KDSR: variants seen among roughly 807,000 people sequenced by gnomAD.
KDSR encodes 3-ketodihydrosphingosine reductase, also known as 3-dehydrosphinganine reductase.
In KDSR, 23 loss-of-function variants were observed where a neutral mutation model predicts 41.3. That is an observed-to-expected ratio of 0.56 (90% CI 0.40 to 0.79). The LOEUF is 0.79. Ranked by LOEUF, KDSR falls within the 30% of genes least tolerant of loss-of-function variation. KDSR has a pLI of 0.00. For missense variants in KDSR, 351 were observed against 416.8 expected, an observed-to-expected ratio of 0.84 and a Z score of 1.37; for synonymous variants, 138 against 151.7, an observed-to-expected ratio of 0.91 and a Z score of 0.66.
Position 63,329,072 on chromosome 18 carries a change from C to A in KDSR, c.*2710G>T, listed in dbSNP as rs1328467680. ...CACACTCAGGGTTGGTTCTTTTTTT[C>A]TTCCCCCAGCAGAAAAACAAGTTGT... On this transcript the variant is annotated 3_prime_UTR_variant, in exon 10 of 10. Transcript: ENST00000645214. The A allele has an allele frequency of 1.0e-5, 2 of 197,642 alleles. No homozygotes were observed. The highest frequency in any genetic ancestry group is 1.2e-4 in the Admixed American group (2 of 16,536). 12.2% of individuals were successfully genotyped at this position (197,642 alleles called of 1,614,324 possible).
At chr18:63,345,130 A>AC in intron 6 of KDSR, 1 of 152,504 alleles carries the variant, frequency 6.6e-6, no homozygotes, top group African/African-American at 2.4e-5. Context: ...AACCAACAAG[A>AC]ACCACTGGGT....
intron 6 of KDSR, chr18:63,346,249 T>C (rs1465240663): frequency 6.6e-6 from 1 of 152,190 alleles, no homozygotes; most frequent in Non-Finnish European, 1.5e-5. Context: ...GCCATGCTCA[T>C]AAATAGCTCT....
At chr18:63,348,786 T>C (rs1428734967) in intron 6 of KDSR, among the ~76,000 whole-genome samples, 1 of 152,196 alleles carries the variant, frequency 6.6e-6, no homozygotes, top group African/African-American at 2.4e-5. Context: ...AATTAGTGAA[T>C]GCTGACACAG....
intron 7 of KDSR, among the ~76,000 whole-genome samples, chr18:63,340,613 A>C (rs1373121341): frequency 6.6e-6 from 1 of 152,242 alleles, no homozygotes; most frequent in Non-Finnish European, 1.5e-5. Context: ...ATTCCATTGA[A>C]AAAGTGTGAA....
chr18:63,364,121 TC>T (rs1915068126), intron 1 of KDSR, among the ~76,000 whole-genome samples: 1 of 152,100 alleles, frequency 6.6e-6, no homozygotes. Flanking sequence ...AATGCTCTTC[TC>T]CCCACTTCAT....
intron 5 of KDSR, among the ~76,000 whole-genome samples, chr18:63,353,990 T>G (rs541993168): frequency 4.6e-5 from 7 of 152,090 alleles, no homozygotes; most frequent in African/African-American, 1.4e-4. Context: ...TCACTTCAAA[T>G]TAAAAAAATA....
At chr18:63,361,002 A>T (rs1914950262) in intron 2 of KDSR, among the ~76,000 whole-genome samples, 11 of 20,508 alleles carry the variant, frequency 5.4e-4, no homozygotes, top group Non-Finnish European at 9.5e-4. Context: ...TAAAAAAAAA[A>T]TATATATATA....
In KDSR at chr18:63,330,625, C is replaced by T; in HGVS notation, c.*1157G>A. 1 of 231,840 alleles carries T rather than the reference C, an allele frequency of 4.3e-6. No individual in the cohort carries two copies. Among genetic ancestry groups the T allele is most frequent in the Non-Finnish European group, 8.5e-6 (1 of 117,188 alleles). 14.4% of individuals were successfully genotyped at this position (231,840 alleles called of 1,614,324 possible). A position where few individuals can be genotyped will look rare whatever the true frequency, so the allele number is the denominator to read the frequency against. On this transcript the variant is annotated 3_prime_UTR_variant, in exon 10 of 10. Coordinates refer to ENST00000645214, the MANE Select transcript of KDSR (RefSeq NM_002035.4). ...TGATCATTTTATTTCAAAAGCAACT[C>T]TCTTCAAAATCAGCCTTGTCTTTTT...
At chr18:63,352,975 T>G (rs1914695775) in intron 5 of KDSR, among the ~76,000 whole-genome samples, 1 of 146,850 alleles carries the variant, frequency 6.8e-6, no homozygotes, top group Non-Finnish European at 1.5e-5. Context: ...GAGACCAGCG[T>G]GACCAACATG....
At chr18:63,341,276 A>T (rs1303880956) in intron 7 of KDSR, among the ~76,000 whole-genome samples, 1 of 152,206 alleles carries the variant, frequency 6.6e-6, no homozygotes, top group Non-Finnish European at 1.5e-5. Flanking sequence ...TCCAGAGTGA[A>T]TATCCTTAGA....
intron 5 of KDSR, among the ~76,000 whole-genome samples, chr18:63,351,744 G>C (rs1914667680): frequency 1.3e-5 from 2 of 152,072 alleles, no homozygotes. Context: ...CCTTGTCTTG[G>C]AAGCTTTTAA....
intron 7 of KDSR, among the ~76,000 whole-genome samples, chr18:63,339,930 G>A (rs905134770): frequency 6.6e-6 from 1 of 152,172 alleles, no homozygotes; most frequent in Non-Finnish European, 1.5e-5. Flanking sequence ...CTTAAAATAG[G>A]AAAGTAAAGT....
At chr18:63,337,653 G>A (rs1193419353) in intron 8 of KDSR, among the ~76,000 whole-genome samples, 1 of 152,142 alleles carries the variant, frequency 6.6e-6, no homozygotes, top group Non-Finnish European at 1.5e-5. Context: ...GCTGGGCACG[G>A]AGCTCACGCC....
In KDSR at chr18:63,360,880, C is replaced by T. The variant is rs188560115; in HGVS notation, c.199-1088G>A. Among the ~76,000 whole-genome samples, 117 of 146,432 alleles carry T rather than the reference C, an allele frequency of 8.0e-4. 2 individuals carry two copies. Among genetic ancestry groups the T allele is most frequent in the African/African-American group, 2.8e-3 (110 of 39,182 alleles). On this transcript the variant is annotated intron_variant, in intron 2 of 9. Coordinates refer to ENST00000645214, the MANE Select transcript of KDSR (RefSeq NM_002035.4). The stretch of plus-strand genomic sequence containing the variant: ...GCCTGGGTGACACAGTGAGGCCGGG[C>T]GCAGTGGCTCACGCCTGTAAGCCCA...
chr18:63,344,401 G>C lies in KDSR; in HGVS notation c.693+9C>G. ...TAGAGGTTCAAATTGGGACATGTAG[G>C]ATACTGACCTTTGTTCTGTTTTCTT... is the stretch of plus-strand genomic sequence containing the variant. On this transcript the variant is annotated intron_variant, in intron 7 of 9. Transcript: ENST00000645214. 1 of 1,600,250 alleles carries C rather than the reference G, an allele frequency of 6.2e-7. No individual in the cohort carries two copies. The highest frequency in any genetic ancestry group is 8.6e-7 in the Non-Finnish European group (1 of 1,167,464).
intron 4 of KDSR, 99 bp from the exon 5 acceptor site, chr18:63,355,398 C>G: frequency 6.2e-7 from 1 of 1,606,792 alleles, no homozygotes; most frequent in Non-Finnish European, 8.5e-7. Flanking sequence ...ACTATTAAAC[C>G]TATAGAGAAG....
Position 63,331,363 on chromosome 18 carries a change from T to C in KDSR, c.*419A>G, listed in dbSNP as rs1278498220. Reference sequence around the variant, plus strand: ...GAGAGAGAACCCGAGAAACCGAAAATTGTTTTTTTATGGAAGGTTTAAACA... The same window carrying C: ...GAGAGAGAACCCGAGAAACCGAAAACTGTTTTTTTATGGAAGGTTTAAACA... On this transcript the variant is annotated 3_prime_UTR_variant, in exon 10 of 10. Coordinates refer to ENST00000645214, the MANE Select transcript of KDSR (RefSeq NM_002035.4). The C allele has an allele frequency of 8.6e-6, 2 of 232,194 alleles. No individual in the cohort carries two copies. The highest frequency in any genetic ancestry group is 1.7e-5 in the Non-Finnish European group (2 of 117,896). The allele number at this position is 232,194 out of a possible 1,614,324, so 14.4% of individuals were successfully genotyped here. A position where few individuals can be genotyped will look rare whatever the true frequency, so the allele number is the denominator to read the frequency against.
chr18:63,353,230 T>C (rs1193765904), intron 5 of KDSR, among the ~76,000 whole-genome samples: 1 of 151,878 alleles, frequency 6.6e-6, no homozygotes, highest in Non-Finnish European at 1.5e-5. Context: ...GACGTCACAC[T>C]GAACGCCTGT....
At chr18:63,353,384 A>C (rs563415763) in intron 5 of KDSR, among the ~76,000 whole-genome samples, 9 of 152,184 alleles carry the variant, frequency 5.9e-5, no homozygotes, top group Admixed American at 2.0e-4. Context: ...TTGAGGAGGG[A>C]TAACTAACTT....
Sources: allele counts gnomAD v4.1 joint callset (sites outside exome capture counted in the v4.1 genomes callset), GRCh38; gene constraint gnomAD v4.1.1; transcripts MANE v1.5; gene names NCBI Gene and HGNC (gene_info 2026-07-23, HGNC 2026-07-21).